IFT43: variants seen among roughly 807,000 people sequenced by gnomAD.
The protein encoded by IFT43 is intraflagellar transport 43, also known as intraflagellar transport protein 43 homolog.
Under a neutral mutation model 32.3 loss-of-function variants are expected in IFT43, and 33 were observed. The observed-to-expected ratio is 1.02, with a 90% CI of 0.77 to 1.37. The LOEUF (loss-of-function observed/expected upper bound fraction) is 1.37, where lower values mean the gene tolerates loss of function less well. IFT43 is among the 40% of genes most tolerant of loss of function. The pLI is 0.00. For synonymous variants in IFT43, 93 were observed against 98.2 expected (o/e 0.95, Z 0.31); for missense variants, 274 against 265.9 (o/e 1.03, Z -0.21).
chr14:76,024,417 G>T (rs2036351372), intron 3 of IFT43, among the ~76,000 whole-genome samples: 1 of 152,172 alleles, frequency 6.6e-6, no homozygotes, highest in African/African-American at 2.4e-5. Context: ...AAAACCATGG[G>T]TGTCTGATTC....
At chr14:76,055,708 T>C (rs2037000457) in intron 3 of IFT43, among the ~76,000 whole-genome samples, 1 of 152,232 alleles carries the variant, frequency 6.6e-6, no homozygotes, top group Admixed American at 6.5e-5. Flanking sequence ...TTCAGAATGG[T>C]ACCTTCAATC....
chr14:76,011,093 A>G (rs1209092268), intron 2 of IFT43, among the ~76,000 whole-genome samples: 1 of 151,858 alleles, frequency 6.6e-6, no homozygotes, highest in African/African-American at 2.4e-5. Flanking sequence ...TATTATTGGT[A>G]GAGATGGGGT....
chr14:76,003,721 A>G (rs2035932108), intron 2 of IFT43, among the ~76,000 whole-genome samples: 1 of 152,126 alleles, frequency 6.6e-6, no homozygotes, highest in Non-Finnish European at 1.5e-5. Context: ...TGGTATTAAT[A>G]GCATATATTT....
intron 5 of IFT43, among the ~76,000 whole-genome samples, chr14:76,060,280 C>T (rs906272918): frequency 6.8e-4 from 104 of 152,100 alleles, no homozygotes; most frequent in African/African-American, 2.4e-3. Flanking sequence ...TGCAGTGGTG[C>T]AATCTTGGCT....
rs1417749629 is a variant in IFT43, at chr14:75,999,265, ATATATATG to A, written c.147+10296_147+10303del. Among the ~76,000 whole-genome samples the A allele has an allele frequency of 6.9e-3, 163 of 23,610 alleles. 1 individual carries two copies. Among genetic ancestry groups the A allele is most frequent in the East Asian group, 0.027 (17 of 640 alleles). 15.5% of individuals were successfully genotyped at this position (23,610 alleles called of 152,430 possible). On this transcript the variant is annotated intron_variant, in intron 2 of 8. Transcript: ENST00000314067. The stretch of plus-strand genomic sequence containing the variant: ...TATATATATATATATATATATATAT[ATATATATG>A]TATATATATTTTTTTTTTTTTTTTT...
chr14:75,987,210 C>T lies in IFT43; in HGVS notation c.54+1370C>T, dbSNP rs570767268. On this transcript the variant is annotated intron_variant, in intron 1 of 8. Transcript: ENST00000314067. Reference sequence around the variant, plus strand: ...TAGCACAACCGCCATATGTAGGATGCTGTATTCAGATACTCAGTGCTGTGA... The same window carrying T: ...TAGCACAACCGCCATATGTAGGATGTTGTATTCAGATACTCAGTGCTGTGA... 5.9e-5 allele frequency among the ~76,000 whole-genome samples: 9 copies of T among 152,312 alleles called. No individual in the cohort carries two copies. The South Asian group carries it at 1.9e-3, about 32-fold the overall frequency.
At chr14:75,988,719 C>T (rs1216065240) in intron 1 of IFT43, 166 bp from the exon 2 acceptor site, 3 of 391,574 alleles carry the variant, frequency 7.7e-6, no homozygotes, top group South Asian at 1.1e-4. Flanking sequence ...GGGGTTTCAC[C>T]GTGTTAGCCA....
chr14:75,986,064 C>G, intron 1 of IFT43: 1 of 1,500,832 alleles, frequency 6.7e-7, no homozygotes, highest in Non-Finnish European at 8.9e-7. Flanking sequence ...AAGTAGAAAA[C>G]ACCCTGTCCC....
At chr14:76,063,360 C>T (rs1021044490) in intron 5 of IFT43, among the ~76,000 whole-genome samples, 5 of 152,248 alleles carry the variant, frequency 3.3e-5, no homozygotes, top group Admixed American at 2.6e-4. Flanking sequence ...AGTATCCAGT[C>T]GGTCTGGACT....
chr14:76,075,327 GCTAGAGA>G (rs2037393501), intron 5 of IFT43, among the ~76,000 whole-genome samples: 1 of 152,186 alleles, frequency 6.6e-6, no homozygotes, highest in African/African-American at 2.4e-5. Flanking sequence ...AAGCAGACCT[GCTAGAGA>G]CCTGAGACGT....
At chr14:76,030,739 A>G (rs1003115672) in intron 3 of IFT43, among the ~76,000 whole-genome samples, 1 of 152,156 alleles carries the variant, frequency 6.6e-6, no homozygotes, top group Non-Finnish European at 1.5e-5. Flanking sequence ...TTTCTCATAC[A>G]GGTTAAGATA....
At chr14:76,041,282 A>G (rs1269152839) in intron 3 of IFT43, among the ~76,000 whole-genome samples, 1 of 152,222 alleles carries the variant, frequency 6.6e-6, no homozygotes, top group Non-Finnish European at 1.5e-5. Context: ...GTAGTATTGT[A>G]AAGTTGGAGG....
At chr14:76,003,399 G>A (rs372951053) in intron 2 of IFT43, among the ~76,000 whole-genome samples, 91 of 152,144 alleles carry the variant, frequency 6.0e-4, no homozygotes, top group African/African-American at 1.9e-3. Flanking sequence ...AGGCCGAGGC[G>A]GGTGGAGCAA....
chr14:76,026,462 G>A (rs1289966227), intron 3 of IFT43, among the ~76,000 whole-genome samples: 1 of 151,024 alleles, frequency 6.6e-6, no homozygotes, highest in African/African-American at 2.4e-5. Flanking sequence ...GGAGACCAAG[G>A]CAGTAGAATT....
At chr14:76,034,231 C>G (rs1275231338) in intron 3 of IFT43, among the ~76,000 whole-genome samples, 2 of 152,106 alleles carry the variant, frequency 1.3e-5, no homozygotes, top group South Asian at 4.2e-4. Flanking sequence ...AATCTGAGAT[C>G]AGGGTGCCAT....
chr14:76,062,936 AAAAAAG>A (rs1311032749), intron 5 of IFT43, among the ~76,000 whole-genome samples: 7 of 148,912 alleles, frequency 4.7e-5, no homozygotes, highest in African/African-American at 7.5e-5. Flanking sequence ...AAAAAAAAAA[AAAAAAG>A]AAAATACATT....
intron 2 of IFT43, among the ~76,000 whole-genome samples, chr14:76,016,268 T>G (rs1385313143): frequency 6.6e-6 from 1 of 152,214 alleles, no homozygotes; most frequent in Non-Finnish European, 1.5e-5. Context: ...TTTATTCTTC[T>G]GTGTATGGAA....
chr14:75,988,988 A>G lies in IFT43; in HGVS notation c.147+11A>G, dbSNP rs1294961166. ...ACTCTGACTGGAGAGGTGGGTGCTA[A>G]AAAAAAAGAAAATCTGAAGAAATAC... On this transcript the variant is annotated intron_variant, in intron 2 of 8. Coordinates refer to ENST00000314067, the MANE Select transcript of IFT43 (RefSeq NM_001102564.3). 6.2e-7 allele frequency: 1 copy of G among 1,613,170 alleles called. No homozygotes were observed. The highest frequency in any genetic ancestry group is 8.5e-7 in the Non-Finnish European group (1 of 1,179,686).
intron 3 of IFT43, among the ~76,000 whole-genome samples, chr14:76,049,457 G>GTT (rs11326962): frequency 9.4e-5 from 14 of 148,536 alleles, no homozygotes; most frequent in South Asian, 8.5e-4. Context: ...AAAGCTGTGT[G>GTT]TTTTTTTTTT....
Sources: gnomAD v4.1 joint callset for allele counts (sites outside exome capture counted in the v4.1 genomes callset) on GRCh38, gnomAD v4.1.1 for gene constraint, MANE v1.5 for transcripts, NCBI Gene and HGNC (gene_info 2026-07-23, HGNC 2026-07-21) for gene names.